The following DYTN variants were observed in gnomAD, a reference collection of about 807,000 sequenced individuals.
DYTN encodes dystrotelin.
A neutral mutation model predicts 69.6 loss-of-function variants in DYTN; 75 were observed. The observed-to-expected ratio is 1.08, with a 90% CI of 0.89 to 1.31. The LOEUF (loss-of-function observed/expected upper bound fraction) is 1.31. Ranked by LOEUF, DYTN falls within the 50% of genes most tolerant of loss-of-function variation. The probability of loss-of-function intolerance (pLI) is 0.00; values close to 1 mark genes in which losing one functional copy is unlikely to be tolerated. For synonymous variants in DYTN, 252 were observed against 249.1 expected (o/e 1.01, Z -0.11); for missense variants, 726 against 688.4 (o/e 1.05, Z -0.61).
intron 1 of DYTN, among the ~76,000 whole-genome samples, chr2:206,717,597 C>T (rs1362749389): frequency 6.6e-6 from 1 of 152,118 alleles, no homozygotes; most frequent in Non-Finnish European, 1.5e-5. Context: ...AATATGAGAG[C>T]CCAAATTTGG....
At chr2:206,708,942 C>T (rs144504974) in intron 2 of DYTN, among the ~76,000 whole-genome samples, 118 of 152,250 alleles carry the variant, frequency 7.8e-4, no homozygotes, top group African/African-American at 2.6e-3. Context: ...CTCAGGCATT[C>T]GTGACTGGGA....
chr2:206,670,718 A>T (rs1213308640), intron 9 of DYTN, among the ~76,000 whole-genome samples: 2 of 152,238 alleles, frequency 1.3e-5, no homozygotes, highest in Non-Finnish European at 2.9e-5. Flanking sequence ...ATGATGACGC[A>T]GATGTTTACA....
chr2:206,656,300 C>A (rs1699447400), intron 11 of DYTN, among the ~76,000 whole-genome samples: 1 of 152,004 alleles, frequency 6.6e-6, no homozygotes. Flanking sequence ...CTATAGCCAC[C>A]CCTGCTATTT....
intron 8 of DYTN, among the ~76,000 whole-genome samples, chr2:206,693,664 C>A (rs1034413286): frequency 3.3e-5 from 5 of 152,154 alleles, no homozygotes; most frequent in African/African-American, 1.2e-4. Flanking sequence ...TGGATGATAA[C>A]TCATGGATTT....
chr2:206,716,557 T>C (rs1286186704), intron 1 of DYTN, among the ~76,000 whole-genome samples: 1 of 152,206 alleles, frequency 6.6e-6, no homozygotes, highest in Non-Finnish European at 1.5e-5. Context: ...CTTTTGTTAT[T>C]CATCATTTCC....
In DYTN at chr2:206,714,484, G is replaced by A. The variant is rs112364964; in HGVS notation, c.19+3777C>T. Among the ~76,000 whole-genome samples the A allele has an allele frequency of 3.5e-3, 529 of 152,356 alleles. 3 individuals are homozygous for A. The highest frequency in any genetic ancestry group is 6.2e-3 in the Non-Finnish European group (425 of 68,034). On this transcript the variant is annotated intron_variant, in intron 1 of 11. Coordinates refer to ENST00000452335, the MANE Select transcript of DYTN (RefSeq NM_001093730.1). ...CCCAAAGTGCTGGGATTACAGGCGT[G>A]AGCCACTGCGTAAAGACGGCTCTTG...
chr2:206,652,371 C>T (rs865985472), intron 11 of DYTN, among the ~76,000 whole-genome samples: 5 of 152,148 alleles, frequency 3.3e-5, no homozygotes, highest in Admixed American at 1.3e-4. Context: ...AGAACCAGTG[C>T]TCTATAGTTA....
At chr2:206,665,026 A>T (rs77014718) in intron 10 of DYTN, among the ~76,000 whole-genome samples, 4,764 of 152,306 alleles carry the variant, frequency 0.031, 105 homozygotes, top group Middle Eastern at 0.061. Context: ...GTCATGTATC[A>T]TGTTTTGGTG....
chr2:206,678,840 C>T lies in DYTN; in HGVS notation c.981-12811G>A, dbSNP rs1699719076. ...GAAACTTTCTATAATAAATGTATAG[C>T]ACTTTGTGATTTGAGATAAAAAGTT... On this transcript the variant is annotated intron_variant, in intron 9 of 11. Coordinates refer to ENST00000452335, the MANE Select transcript of DYTN (RefSeq NM_001093730.1). 2.0e-5 allele frequency among the ~76,000 whole-genome samples: 3 copies of T among 152,086 alleles called. No homozygotes were observed. In the South Asian group the frequency reaches 6.2e-4, roughly 32 times the overall value.
chr2:206,695,019 A>G (rs777418872), intron 7 of DYTN, 142 bp from the exon 8 acceptor site: 4 of 562,018 alleles, frequency 7.1e-6, no homozygotes, highest in Non-Finnish European at 1.2e-5. Flanking sequence ...TTTCTCCCAA[A>G]CTATAGGATT....
At chr2:206,694,706 T>C (rs1699901087) in intron 8 of DYTN, 60 bp downstream of exon 8, 18 of 1,367,146 alleles carry the variant, frequency 1.3e-5, no homozygotes, top group Admixed American at 5.0e-5. Context: ...GGTTTTTTCA[T>C]GGCTATAGCT....
rs13428502 is a variant in DYTN at position 206,709,260 on chromosome 2, C to A, written c.94+1264G>T. ...CTCAGGAGTTCAAGACCAGCCCGGG[C>A]AACATGGCGAAACCCTGTCTCTACT... On this transcript the variant is annotated intron_variant, in intron 2 of 11. Coordinates refer to ENST00000452335, the MANE Select transcript of DYTN (RefSeq NM_001093730.1). Among the ~76,000 whole-genome samples, 769 of 152,104 alleles carry A rather than the reference C, an allele frequency of 5.1e-3. 8 individuals are homozygous for A. The highest frequency in any genetic ancestry group is 0.017 in the African/African-American group (716 of 41,484).
intron 4 of DYTN, 62 bp downstream of exon 4, chr2:206,705,726 T>C: frequency 1.3e-6 from 2 of 1,489,288 alleles, no homozygotes. Flanking sequence ...GGATATAGGA[T>C]AACAGGTTGG....
At chr2:206,659,227 A>ACGGG (rs1447635942) in intron 11 of DYTN, among the ~76,000 whole-genome samples, 1 of 123,442 alleles carries the variant, frequency 8.1e-6, no homozygotes, top group Non-Finnish European at 1.6e-5. Flanking sequence ...GTTGGAGTGC[A>ACGGG]CGGGCGCGAT....
chr2:206,668,704 G>A (rs1699599616), intron 9 of DYTN, among the ~76,000 whole-genome samples: 1 of 152,106 alleles, frequency 6.6e-6, no homozygotes, highest in South Asian at 2.1e-4. Context: ...GTCCATTACT[G>A]ATATGGTTTG....
Position 206,705,780 on chromosome 2 carries a change from C to T in DYTN, c.382+8G>A, listed in dbSNP as rs1005600222. ...ACTTTAGGACACCCGCAGTCCTCTG[C>T]ATGTTACCTCGGTATTTTGAAAGAG... On this transcript the variant is annotated splice_region_variant and intron_variant, in intron 4 of 11. Transcript: ENST00000452335. 1.2e-6 allele frequency: 2 copies of T among 1,613,138 alleles called. No individual in the cohort carries two copies. The highest frequency in any genetic ancestry group is 3.3e-5 in the Admixed American group (2 of 59,964).
At chr2:206,710,620 T>A in intron 1 of DYTN, 22 bp from the exon 2 acceptor site, 1 of 1,547,468 alleles carries the variant, frequency 6.5e-7, no homozygotes, top group South Asian at 1.2e-5. Context: ...ACGTAAAATA[T>A]TATGAATAAA....
chr2:206,697,694 G>T lies in DYTN; in HGVS notation c.719+2033C>A, dbSNP rs1028639710. On this transcript the variant is annotated intron_variant, in intron 7 of 11. Coordinates refer to ENST00000452335, the MANE Select transcript of DYTN (RefSeq NM_001093730.1). ...AAACCCCAAACTGAGGTCTAGAGAG[G>T]TTAAACACCTTGCCCAGGTCTCCTA... Among the ~76,000 whole-genome samples the T allele has an allele frequency of 3.3e-5, 5 of 152,170 alleles. No individual in the cohort carries two copies. The South Asian group carries it at 1.0e-3, about 31-fold the overall frequency.
At chr2:206,693,364 T>C in intron 8 of DYTN, 41 bp from the exon 9 acceptor site, 1 of 1,587,044 alleles carries the variant, frequency 6.3e-7, no homozygotes, top group Non-Finnish European at 8.6e-7. Flanking sequence ...GTCAGATCAG[T>C]CTACGTGTGG....
Sources: gnomAD v4.1 joint callset for allele counts (sites outside exome capture counted in the v4.1 genomes callset) on GRCh38, gnomAD v4.1.1 for gene constraint, MANE v1.5 for transcripts, NCBI Gene and HGNC (gene_info 2026-07-23, HGNC 2026-07-21) for gene names.